Variants in FLNC observed in about 807,000 individuals in gnomAD.
FLNC encodes filamin C.
Under a neutral mutation model 254.3 loss-of-function variants are expected in FLNC, and 91 were observed. The observed-to-expected ratio is 0.36, with a 90% confidence interval of 0.30 to 0.43. The LOEUF (loss-of-function observed/expected upper bound fraction) is 0.43. Among genes scored for constraint, FLNC ranks in the 20% least tolerant of loss-of-function variants. The probability of loss-of-function intolerance (pLI) is 1.00; values close to 1 mark genes in which losing one functional copy is unlikely to be tolerated. For synonymous variants in FLNC, 1,430 were observed against 1,577.2 expected, an observed-to-expected ratio of 0.91 and a Z score of 2.21; for missense variants, 2,853 against 3,802.6, an observed-to-expected ratio of 0.75 and a Z score of 6.57.
At position 128,848,667 on chromosome 7, in the gene FLNC, A is replaced by G. The variant is rs1490741362; in HGVS notation, c.4687A>G (p.Thr1563Ala). The G allele has an allele frequency of 6.2e-7, 1 of 1,613,402 alleles. No individual in the cohort carries two copies. The highest frequency in any genetic ancestry group is 8.5e-7 in the Non-Finnish European group (1 of 1,179,992). ...GIPASLPVEFTIDARDAGEGL... is the reference protein window; with the variant it reads ...GIPASLPVEFAIDARDAGEGL... ...CCCTGCCAGCCTGCCTGTGGAGTTCACCATCGACGCACGGGACGCGGGCGA... is the reference window on the plus strand; with the variant it reads ...CCCTGCCAGCCTGCCTGTGGAGTTCGCCATCGACGCACGGGACGCGGGCGA... Residue 1563 changes from threonine to alanine, a missense_variant, in exon 27 of 48, where the codon ACC becomes GCC. Thr to Ala is a moderately conservative substitution (Grantham distance 58). This residue lies in a region of FLNC where 1,573 missense variants were observed against 1,883.5 expected (regional missense o/e 0.84). Transcript: ENST00000325888.
rs1808209347 is a variant in FLNC, at chr7:128,838,744, A to G, written c.1352A>G (p.His451Arg). ...RPAMEGPHTV[H>R]VAFAGAPITR... is the part of the protein sequence containing the mutation. The stretch of plus-strand genomic sequence containing the variant: ...GCCATGGAGGGGCCACATACCGTGC[A>G]TGTGGCCTTTGCGGGTGCCCCCATC... Residue 451 changes from histidine (H) to arginine (R), a missense_variant, in exon 8 of 48, where the codon CAT becomes CGT. His to Arg is a conservative substitution (Grantham distance 29). Transcript: ENST00000325888. 6.2e-7 allele frequency: 1 copy of G among 1,613,022 alleles called. No homozygotes were observed. Among genetic ancestry groups the G allele is most frequent in the Non-Finnish European group, 8.5e-7 (1 of 1,179,984 alleles).
chr7:128,830,853 G>T lies in FLNC; in HGVS notation c.216G>T (p.Ala72=), dbSNP rs757077955. The T allele has an allele frequency of 6.2e-7, 1 of 1,613,110 alleles. No individual in the cohort carries two copies. The highest frequency in any genetic ancestry group is 1.1e-5 in the South Asian group (1 of 91,078). The change falls in exon 1 of 48, where the codon GCG becomes GCT. Residue 72 remains alanine (A), a synonymous_variant. Coordinates refer to ENST00000325888, the MANE Select transcript of FLNC (RefSeq NM_001458.5). ...TCAGCGACGGGCTCCGGCTCATCGC[G>T]CTGCTCGAGGTGCTCAGCCAGAAGC... is the stretch of plus-strand genomic sequence containing the variant. ...RDLSDGLRLI[A]LLEVLSQKRM...
rs1164828878 is a variant in FLNC, at chr7:128,857,868, C to A, written c.7781-140C>A. 18 of 721,898 alleles carry A rather than the reference C, an allele frequency of 2.5e-5. No individual in the cohort carries two copies. The highest frequency in any genetic ancestry group is 3.5e-5 in the African/African-American group (2 of 56,938). 44.7% of individuals were successfully genotyped at this position (721,898 alleles called of 1,614,324 possible). ...GAATGAGGCTGTGCTCCTAGAGTGGCCCTTGGAGGAATTTGAGGGGGAGCC... is the reference window on the plus strand; with the variant it reads ...GAATGAGGCTGTGCTCCTAGAGTGGACCTTGGAGGAATTTGAGGGGGAGCC... On this transcript the variant is annotated intron_variant, in intron 46 of 47. Coordinates refer to ENST00000325888, the MANE Select transcript of FLNC (RefSeq NM_001458.5). This position sits in a 1 kb window ranked among gnomAD's most constrained non-coding sequence, Gnocchi z 4.5.
rs767784147 is a variant in FLNC, at chr7:128,856,445, G to A, written c.7252-73G>A. The A allele has an allele frequency of 1.1e-5, 17 of 1,583,176 alleles. No homozygotes were observed. The highest frequency in any genetic ancestry group is 8.0e-5 in the African/African-American group (6 of 74,568). On this transcript the variant is annotated intron_variant, in intron 43 of 47. Coordinates refer to ENST00000325888, the MANE Select transcript of FLNC (RefSeq NM_001458.5). This position sits in a 1 kb window ranked among gnomAD's most constrained non-coding sequence, Gnocchi z 5.9. The stretch of plus-strand genomic sequence containing the variant: ...TTGGGCTGGGCTTACAGTGAGCACC[G>A]TGTGGGGCTTCAGAGAAGACTGCTC...
chr7:128,836,480 C>T lies in FLNC; in HGVS notation c.602-680C>T, dbSNP rs1342843060. On this transcript the variant is annotated intron_variant, in intron 2 of 47. Coordinates refer to ENST00000325888, the MANE Select transcript of FLNC (RefSeq NM_001458.5). This position sits in a 1 kb window ranked among gnomAD's most constrained non-coding sequence, Gnocchi z 6.0. ...CCCCCTCCCCGAAACGGTGTGCCGT[C>T]CCCCTCCTCCAGCTCTGGCCTAAAC... Among the ~76,000 whole-genome samples the T allele has an allele frequency of 6.6e-6, 1 of 152,176 alleles. No individual in the cohort carries two copies. The highest frequency in any genetic ancestry group is 6.5e-5 in the Admixed American group (1 of 15,278).
At position 128,852,937 on chromosome 7, in the gene FLNC, C is replaced by T. The variant is rs559639511; in HGVS notation, c.6114C>T (p.Ile2038=). The T allele has an allele frequency of 7.3e-5, 118 of 1,613,598 alleles. No homozygotes were observed. Among genetic ancestry groups the T allele is most frequent in the East Asian group, 5.8e-4 (26 of 44,882 alleles). Residue 2038 remains isoleucine, a synonymous_variant, in exon 37 of 48, where the codon ATC becomes ATT. Transcript: ENST00000325888. ...PFKILVGPSE[I]GDASKVRVWG... ...AGATCCTGGTGGGGCCATCTGAGAT[C>T]GGGGACGCCAGCAAGGTGCGGGTCT...
intron 22 of FLNC, 53 bp downstream of exon 22, chr7:128,846,216 C>CGGGCAAGT (rs1808560887): frequency 2.5e-6 from 4 of 1,612,598 alleles, no homozygotes; most frequent in African/African-American, 1.3e-5. Flanking sequence ...TGGGCAGGGC[C>CGGGCAAGT]GGGATCTGAT....
rs1808317570 is a variant in FLNC at position 128,841,187 on chromosome 7, C to T, written c.1831C>T (p.Pro611Ser). The T allele has an allele frequency of 6.2e-7, 1 of 1,613,898 alleles. No individual in the cohort carries two copies. Among genetic ancestry groups the T allele is most frequent in the East Asian group, 2.2e-5 (1 of 44,880 alleles). Residue 611 changes from proline (P) to serine (S), a missense_variant, in exon 12 of 48, where the codon CCC (proline) becomes TCC (serine). Physicochemically the swap from Pro to Ser is moderately conservative, Grantham distance 74 (BLOSUM62 -1). Transcript: ENST00000325888. The surrounding 1 kb of genome is among the most constrained non-coding windows in gnomAD (Gnocchi z 4.3). ...VGTLGFSIEG[P>S]SQAKIECDDK... Reference sequence around the variant, plus strand: ...TGCCCCAGGCTTCTCCATCGAGGGGCCCTCACAAGCCAAGATCGAATGTGA... The same window carrying T: ...TGCCCCAGGCTTCTCCATCGAGGGGTCCTCACAAGCCAAGATCGAATGTGA...
In FLNC at chr7:128,858,132, C is replaced by T. The variant is rs1265452022; in HGVS notation, c.7905C>T (p.Ala2635=). ...YSSIPKFSSD[A]SKVVTRGPGL... is the part of the protein sequence containing the mutation. ...CCATCCCCAAGTTCTCCTCAGATGC[C>T]AGCAAGGTGGTGACTCGGGGCCCTG... Residue 2635 remains alanine, a synonymous_variant, in exon 47 of 48, where the codon GCC becomes GCT. Transcript: ENST00000325888. This position sits in a 1 kb window ranked among gnomAD's most constrained non-coding sequence, Gnocchi z 6.7. 6.2e-7 allele frequency: 1 copy of T among 1,612,934 alleles called. No individual in the cohort carries two copies. The highest frequency in any genetic ancestry group is 8.5e-7 in the Non-Finnish European group (1 of 1,179,254).
intron 8 of FLNC, among the ~76,000 whole-genome samples, chr7:128,839,300 G>A (rs754873652): frequency 2.7e-4 from 41 of 152,306 alleles, no homozygotes; most frequent in Middle Eastern, 3.4e-3. Context: ...TCTGTGTTCT[G>A]TGGCAGGTCT....
In FLNC at chr7:128,855,203, C is replaced by A; in HGVS notation, c.7140C>A (p.Asp2380Glu). 6.2e-7 allele frequency: 1 copy of A among 1,608,168 alleles called. No individual in the cohort carries two copies. Among genetic ancestry groups the A allele is most frequent in the Non-Finnish European group, 8.5e-7 (1 of 1,174,658 alleles). ...CTGACTGGTCTCTCTCCCCAGGTGA[C>A]TATGAGGTCTCCATCAAGTTCAATG... ...GVSYVVQEPG[D>E]YEVSIKFNDE... is the part of the protein sequence containing the mutation. Residue 2380 changes from aspartate to glutamate, a missense_variant, in exon 43 of 48, where the codon GAC becomes GAA. This residue lies in a region of FLNC where 551 missense variants were observed against 835.0 expected (regional missense o/e 0.66). Coordinates refer to ENST00000325888, the MANE Select transcript of FLNC (RefSeq NM_001458.5).
Position 128,840,818 on chromosome 7 carries a change from C to T in FLNC, c.1677-16C>T. The T allele has an allele frequency of 6.2e-7, 1 of 1,613,644 alleles. No homozygotes were observed. Among genetic ancestry groups the T allele is most frequent in the Non-Finnish European group, 8.5e-7 (1 of 1,179,884 alleles). On this transcript the variant is annotated splice_polypyrimidine_tract_variant and intron_variant, in intron 10 of 47. Coordinates refer to ENST00000325888, the MANE Select transcript of FLNC (RefSeq NM_001458.5). Reference sequence around the variant, plus strand: ...GGGCACTTCCTGGCATGGACACCAGCTCCCTCTCTGCCCAGCCCCTTTGAG... The same window carrying T: ...GGGCACTTCCTGGCATGGACACCAGTTCCCTCTCTGCCCAGCCCCTTTGAG...
Position 128,856,573 on chromosome 7 carries a change from C to T in FLNC, c.7307C>T (p.Ala2436Val), listed in dbSNP as rs1266236225. The change falls in exon 44 of 48, where the codon GCC (alanine) becomes GTC (valine). Residue 2436 changes from alanine (A) to valine (V), a missense_variant. Ala to Val is a moderately conservative substitution (Grantham distance 64). Around this residue, in one of 10 missense-constraint regions of FLNC, gnomAD observed 47 missense variants for 40.3 expected, o/e 1.17. Transcript: ENST00000325888. This position sits in a 1 kb window ranked among gnomAD's most constrained non-coding sequence, Gnocchi z 5.9. ...TCCTTTGCCGTGCAGCTGAACGGTG[C>T]CCGGGGCGTGATTGATGCCCGGGTG... ...PASFAVQLNGARGVIDARVHT... is the reference protein window; with the variant it reads ...PASFAVQLNGVRGVIDARVHT... The T allele has an allele frequency of 1.2e-6, 2 of 1,612,810 alleles. No individual in the cohort carries two copies. The highest frequency in any genetic ancestry group is 2.2e-5 in the South Asian group (2 of 91,082).
rs779856224 is a variant in FLNC at position 128,850,061 on chromosome 7, G to C, written c.5285G>C (p.Arg1762Pro). ...TACGCTCCTCCCCGGCCCGGCGCCC[G>C]CCCCACACACTGGGTACTGCGCCTC... ...QPYAPPRPGA[R>P]PTHWATEEPV... Residue 1762 changes from arginine to proline, a missense_variant, in exon 31 of 48, where the codon CGC becomes CCC. By Grantham distance (103) the Arg-to-Pro change is moderately radical. Coordinates refer to ENST00000325888, the MANE Select transcript of FLNC (RefSeq NM_001458.5). 6.5e-7 allele frequency: 1 copy of C among 1,540,086 alleles called. No homozygotes were observed. The highest frequency in any genetic ancestry group is 1.4e-5 in the African/African-American group (1 of 73,306).
rs1266976455 is a variant in FLNC at position 128,843,281 on chromosome 7, G to A, written c.2603G>A (p.Ser868Asn). 6.2e-7 allele frequency: 1 copy of A among 1,612,014 alleles called. No individual in the cohort carries two copies. The highest frequency in any genetic ancestry group is 2.2e-5 in the East Asian group (1 of 44,806). ...AAGGTGGACCCATCCCACGATGCCA[G>A]CAAAGTCAAGGCCGAGGGCCCTGGG... ...HIKVDPSHDA[S>N]KVKAEGPGLN... Residue 868 changes from serine (S) to asparagine (N), a missense_variant, in exon 17 of 48, where the codon AGC becomes AAC. Physicochemically the swap from Ser to Asn is conservative, Grantham distance 46. Transcript: ENST00000325888.
rs1189306586 is a variant in FLNC, at chr7:128,857,818, G to A, written c.7781-190G>A. 6.6e-6 allele frequency among the ~76,000 whole-genome samples: 1 copy of A among 152,208 alleles called. No homozygotes were observed. The highest frequency in any genetic ancestry group is 1.5e-5 in the Non-Finnish European group (1 of 68,032). On this transcript the variant is annotated intron_variant, in intron 46 of 47. Transcript: ENST00000325888. This position sits in a 1 kb window ranked among gnomAD's most constrained non-coding sequence, Gnocchi z 4.5. Reference sequence around the variant, plus strand: ...GCCCTAGGGTGGAGCACCAGTTGGAGCTGGCAGCTCAGGGCCCTGGCTGGG... The same window carrying A: ...GCCCTAGGGTGGAGCACCAGTTGGAACTGGCAGCTCAGGGCCCTGGCTGGG...
Position 128,836,765 on chromosome 7 carries a change from G to T in FLNC, c.602-395G>T, listed in dbSNP as rs1157194785. Among the ~76,000 whole-genome samples the T allele has an allele frequency of 6.6e-6, 1 of 152,178 alleles. No homozygotes were observed. On this transcript the variant is annotated intron_variant, in intron 2 of 47. Transcript: ENST00000325888. This position sits in a 1 kb window ranked among gnomAD's most constrained non-coding sequence, Gnocchi z 6.0. Reference sequence around the variant, plus strand: ...GGCCTTCTAGGGGGGATGGGTCAGGGGCATATGTGGGACAGGCACTCTGAC... The same window carrying T: ...GGCCTTCTAGGGGGGATGGGTCAGGTGCATATGTGGGACAGGCACTCTGAC...
Position 128,841,207 on chromosome 7 carries a change from A to T in FLNC, c.1851A>T (p.Glu617Asp), listed in dbSNP as rs199715890. ...SIEGPSQAKI[E>D]CDDKGDGSCD... ...AGGGGCCCTCACAAGCCAAGATCGA[A>T]TGTGACGACAAGGGGGATGGCTCCT... The change falls in exon 12 of 48, where the codon GAA (glutamate) becomes GAT (aspartate). Residue 617 changes from glutamate (E) to aspartate (D), a missense_variant. By Grantham distance (45) the Glu-to-Asp change is conservative (BLOSUM62 2). Around this residue, in one of 10 missense-constraint regions of FLNC, gnomAD observed 1,573 missense variants for 1,883.5 expected, o/e 0.84. Coordinates refer to ENST00000325888, the MANE Select transcript of FLNC (RefSeq NM_001458.5). The surrounding 1 kb of genome is among the most constrained non-coding windows in gnomAD (Gnocchi z 4.3). 1 of 1,614,018 alleles carries T rather than the reference A, an allele frequency of 6.2e-7. No homozygotes were observed. The highest frequency in any genetic ancestry group is 8.5e-7 in the Non-Finnish European group (1 of 1,179,968).
intron 21 of FLNC, among the ~76,000 whole-genome samples, chr7:128,845,691 C>T (rs925445705): frequency 6.6e-6 from 1 of 152,000 alleles, no homozygotes; most frequent in African/African-American, 2.4e-5. Context: ...GATGCAAGAC[C>T]CAGGCCCACA....
Sources: gnomAD v4.1 joint callset for allele counts (sites outside exome capture counted in the v4.1 genomes callset) on GRCh38, gnomAD v4.1.1 for gene constraint, gnomAD v4.1.1 regional missense constraint, Gnocchi (gnomAD v3.1) non-coding constraint, MANE v1.5 for transcripts, NCBI Gene and HGNC (gene_info 2026-07-23, HGNC 2026-07-21) for gene names.